Variants in PTPRU observed in about 807,000 individuals in gnomAD.
The protein encoded by PTPRU is receptor-type tyrosine-protein phosphatase U.
Under a neutral mutation model 166.3 loss-of-function variants are expected in PTPRU, and 69 were observed. The ratio of observed to expected loss-of-function variants is 0.41; its 90% CI spans 0.34 to 0.51. The LOEUF is 0.51. Ranked by LOEUF, PTPRU falls within the 20% of genes least tolerant of loss-of-function variation. The pLI is 0.09. For missense variants in PTPRU, 1,657 were observed against 2,013.7 expected (o/e 0.82, Z 3.39); for synonymous variants, 793 against 814.0 (o/e 0.97, Z 0.44).
intron 28 of PTPRU, 101 bp downstream of exon 28, chr1:29,323,889 GCA>G: frequency 7.2e-7 from 1 of 1,382,378 alleles, no homozygotes; most frequent in Non-Finnish European, 9.7e-7. Context: ...TGCAAAGCTG[GCA>G]CCGAAACCCC....
chr1:29,311,840 G>T lies in PTPRU; in HGVS notation c.3072+81G>T. ...CCACTCCCACTTCCCCCAGCCCTGGGAGCAGGAGGGTGAGGAGCGCACCAC... is the reference window on the plus strand; with the variant it reads ...CCACTCCCACTTCCCCCAGCCCTGGTAGCAGGAGGGTGAGGAGCGCACCAC... On this transcript the variant is annotated intron_variant, in intron 21 of 29. Transcript: ENST00000373779. The surrounding 1 kb of genome is among the most constrained non-coding windows in gnomAD (Gnocchi z 4.1). 7.2e-7 allele frequency: 1 copy of T among 1,383,052 alleles called. No individual in the cohort carries two copies. Among genetic ancestry groups the T allele is most frequent in the Non-Finnish European group, 1.0e-6 (1 of 987,974 alleles). 85.7% of individuals were successfully genotyped at this position (1,383,052 alleles called of 1,614,324 possible).
At chr1:29,247,490 C>T (rs1017751385) in intron 1 of PTPRU, among the ~76,000 whole-genome samples, 2 of 152,260 alleles carry the variant, frequency 1.3e-5, no homozygotes, top group Non-Finnish European at 2.9e-5. Flanking sequence ...GGCCTCTCTC[C>T]ATGGACCTTT....
At position 29,311,296 on chromosome 1, in the gene PTPRU, C is replaced by T. The variant is rs1687644014; in HGVS notation, c.2858-160C>T. The T allele has an allele frequency of 1.5e-6, 1 of 666,932 alleles. No homozygotes were observed. The highest frequency in any genetic ancestry group is 2.6e-6 in the Non-Finnish European group (1 of 388,968). The allele number at this position is 666,932 out of a possible 1,614,324, so 41.3% of individuals were successfully genotyped here. A position where few individuals can be genotyped will look rare whatever the true frequency, so the allele number is the denominator to read the frequency against. ...CTACCCAACCTCAGGGCCCTACAGG[C>T]ATGCGTCAGCTGCAAGCTGGGTGTT... On this transcript the variant is annotated intron_variant, in intron 19 of 29. Coordinates refer to ENST00000373779, the MANE Select transcript of PTPRU (RefSeq NM_133178.4). This position sits in a 1 kb window ranked among gnomAD's most constrained non-coding sequence, Gnocchi z 4.1.
chr1:29,283,057 A>G (rs1686164679), intron 12 of PTPRU, 108 bp downstream of exon 12: 3 of 1,465,006 alleles, frequency 2.0e-6, no homozygotes, highest in Non-Finnish European at 2.8e-6. Context: ...GGCACTTCCC[A>G]TAGCCCCACC....
chr1:29,259,949 C>T lies in PTPRU; in HGVS notation c.755C>T (p.Ala252Val). 6.5e-7 allele frequency: 1 copy of T among 1,539,350 alleles called. No individual in the cohort carries two copies. Reference sequence around the variant, plus strand: ...CGCTTCCTGGCCACTTTCCCGCTGGCTGCCGTGAGCCGCGCCGAGCAGGAC... The same window carrying T: ...CGCTTCCTGGCCACTTTCCCGCTGGTTGCCGTGAGCCGCGCCGAGCAGGAC... ...HRRFLATFPL[A>V]AVSRAEQDLY... The change falls in exon 6 of 30, where the codon GCT becomes GTT. Residue 252 changes from alanine (A) to valine (V), a missense_variant. By Grantham distance (64) the Ala-to-Val change is moderately conservative (BLOSUM62 0). Transcript: ENST00000373779.
intron 16 of PTPRU, 55 bp from the exon 17 acceptor site, chr1:29,304,719 G>T: frequency 7.4e-7 from 1 of 1,349,018 alleles, no homozygotes; most frequent in South Asian, 1.3e-5. Context: ...TGAGGGGAAG[G>T]GGCCCTCAGT....
chr1:29,305,395 C>A lies in PTPRU; in HGVS notation c.2787C>A (p.Pro929=). The A allele has an allele frequency of 1.2e-6, 2 of 1,614,046 alleles. No homozygotes were observed. Among genetic ancestry groups the A allele is most frequent in the Non-Finnish European group, 1.7e-6 (2 of 1,180,034 alleles). Residue 929 remains proline (P), a synonymous_variant, in exon 18 of 30, where the codon CCC becomes CCA. Transcript: ENST00000373779. ...AACTGCACCCGATGCTGGGAGACCCCAATGCCGACTACATTAATGCCAACT... is the reference window on the plus strand; with the variant it reads ...AACTGCACCCGATGCTGGGAGACCCAAATGCCGACTACATTAATGCCAACT... The part of the protein sequence containing the change: ...RVKLHPMLGD[P]NADYINANYI...
At chr1:29,267,646 G>A (rs1685363133) in intron 7 of PTPRU, among the ~76,000 whole-genome samples, 1 of 152,218 alleles carries the variant, frequency 6.6e-6, no homozygotes, top group Non-Finnish European at 1.5e-5. Flanking sequence ...GTTAGTGACT[G>A]AGTGGGAGAT....
At chr1:29,244,606 G>A (rs777653908) in intron 1 of PTPRU, among the ~76,000 whole-genome samples, 3 of 152,054 alleles carry the variant, frequency 2.0e-5, no homozygotes, top group East Asian at 1.9e-4. Flanking sequence ...TTTGTCTAGC[G>A]TGTGGTGGTT....
intron 1 of PTPRU, among the ~76,000 whole-genome samples, chr1:29,239,823 C>T (rs886496931): frequency 3.3e-5 from 5 of 151,978 alleles, no homozygotes; most frequent in African/African-American, 1.2e-4. Flanking sequence ...ACTCCAGCCT[C>T]CTCCTTCCCT....
At chr1:29,309,815 C>T (rs965506016) in intron 18 of PTPRU, among the ~76,000 whole-genome samples, 13 of 152,280 alleles carry the variant, frequency 8.5e-5, no homozygotes, top group Admixed American at 2.0e-4. Context: ...TTCACGAGAC[C>T]GGAGGAGTTG....
Position 29,259,443 on chromosome 1 carries a change from C to T in PTPRU, c.560-6C>T, listed in dbSNP as rs1379894478. The T allele has an allele frequency of 6.8e-6, 11 of 1,610,058 alleles. No individual in the cohort carries two copies. The highest frequency in any genetic ancestry group is 3.3e-5 in the South Asian group (3 of 90,790). ...CCCAGCTCACGATGCAGCTCTAACC[C>T]CGCAGCAAAGGCCCCACACTTCTCC... On this transcript the variant is annotated splice_polypyrimidine_tract_variant and splice_region_variant and intron_variant, in intron 4 of 29. Transcript: ENST00000373779.
At chr1:29,278,186 A>G (rs1685904869) in intron 8 of PTPRU, among the ~76,000 whole-genome samples, 1 of 152,038 alleles carries the variant, frequency 6.6e-6, no homozygotes, top group African/African-American at 2.4e-5. Context: ...CTGGGTTCCT[A>G]CAGATTCCAG....
chr1:29,293,040 T>C (rs9426407), intron 15 of PTPRU, among the ~76,000 whole-genome samples: 46,790 of 151,786 alleles, frequency 0.31, 9,028 homozygotes, highest in East Asian at 0.64. Flanking sequence ...AGTGCAGTGG[T>C]GTGATCTTGG....
At chr1:29,322,689 G>A (rs930158077) in intron 26 of PTPRU, among the ~76,000 whole-genome samples, 1 of 152,130 alleles carries the variant, frequency 6.6e-6, no homozygotes, top group Admixed American at 6.5e-5. Flanking sequence ...GAGAAACTGA[G>A]GCCAAGAGAA....
At position 29,325,540 on chromosome 1, in the gene PTPRU, C is replaced by T. The variant is rs1688373832; in HGVS notation, c.4249-59C>T. ...CCCTCTCACTCCCCGTTCCCCTCCC[C>T]CCACAATACTGGAGTTGGGGTCAGG... On this transcript the variant is annotated intron_variant, in intron 29 of 29. Coordinates refer to ENST00000373779, the MANE Select transcript of PTPRU (RefSeq NM_133178.4). The T allele has an allele frequency of 5.1e-6, 8 of 1,556,112 alleles. 1 individual carries two copies. The highest frequency in any genetic ancestry group is 3.5e-6 in the Non-Finnish European group (4 of 1,128,354).
intron 1 of PTPRU, among the ~76,000 whole-genome samples, chr1:29,251,898 C>T (rs903201863): frequency 6.6e-6 from 1 of 152,246 alleles, no homozygotes; most frequent in Non-Finnish European, 1.5e-5. Context: ...CTGAAGTCAG[C>T]TGGCCTCCTC....
chr1:29,265,358 TTTTC>T (rs1685254523), intron 7 of PTPRU, among the ~76,000 whole-genome samples: 1 of 151,956 alleles, frequency 6.6e-6, no homozygotes, highest in African/African-American at 2.4e-5. Context: ...GTCGAACATC[TTTTC>T]TTTTCCTCTT....
chr1:29,313,438 C>G (rs1034084987), intron 22 of PTPRU, among the ~76,000 whole-genome samples: 3 of 152,204 alleles, frequency 2.0e-5, no homozygotes, highest in African/African-American at 7.2e-5. Context: ...AAGATGCCAT[C>G]TTTTAAAAAC....
Sources: allele counts gnomAD v4.1 joint callset (sites outside exome capture counted in the v4.1 genomes callset), GRCh38; gene constraint gnomAD v4.1.1; non-coding constraint Gnocchi (gnomAD v3.1); transcripts MANE v1.5; gene names NCBI Gene and HGNC (gene_info 2026-07-23, HGNC 2026-07-21).